The following DGKH variants were observed in gnomAD, a reference collection of about 807,000 sequenced individuals.
DGKH encodes the protein DAG kinase eta.
DGKH carries 90 observed loss-of-function variants against 159.3 expected under a neutral mutation model. The ratio of observed to expected loss-of-function variants is 0.57; its 90% CI spans 0.48 to 0.67. DGKH has a LOEUF of 0.67. Among genes scored for constraint, DGKH ranks in the 30% least tolerant of loss-of-function variants. The pLI, the probability that DGKH is intolerant of heterozygous loss-of-function variation, is 0.00. For missense variants in DGKH, 1,181 were observed against 1,506.1 expected, an observed-to-expected ratio of 0.78 and a Z score of 3.57; for synonymous variants, 536 against 553.8, an observed-to-expected ratio of 0.97 and a Z score of 0.45.
chr13:42,115,829 C>G (rs1396591899), intron 1 of DGKH, among the ~76,000 whole-genome samples: 2 of 151,942 alleles, frequency 1.3e-5, no homozygotes, highest in African/African-American at 4.8e-5. Flanking sequence ...ATAATTTTGT[C>G]CACAGTGGAA....
intron 1 of DGKH, among the ~76,000 whole-genome samples, chr13:42,114,128 T>C (rs1206566182): frequency 6.6e-6 from 1 of 152,138 alleles, no homozygotes; most frequent in Non-Finnish European, 1.5e-5. Flanking sequence ...CTTCCCCTAA[T>C]AACAATGAAA....
chr13:42,211,417 G>A (rs1002251844), intron 24 of DGKH, among the ~76,000 whole-genome samples: 4 of 152,186 alleles, frequency 2.6e-5, no homozygotes, highest in Non-Finnish European at 5.9e-5. Context: ...CAGGTTTCAG[G>A]CCAGGCACAG....
At chr13:42,188,981 C>T in intron 14 of DGKH, 55 bp from the exon 15 acceptor site, 1 of 1,566,542 alleles carries the variant, frequency 6.4e-7, no homozygotes, top group Non-Finnish European at 8.7e-7. Context: ...TGTACTTTGT[C>T]TGCTGATCTT....
chr13:42,069,857 G>T (rs1882839663), intron 1 of DGKH: 1 of 790,424 alleles, frequency 1.3e-6, no homozygotes, highest in Non-Finnish European at 2.1e-6. Flanking sequence ...TGGAAAGCAG[G>T]ATCCCCCAGA....
intron 11 of DGKH, among the ~76,000 whole-genome samples, chr13:42,171,235 G>A (rs1008215991): frequency 1.2e-4 from 18 of 152,258 alleles, no homozygotes; most frequent in African/African-American, 4.3e-4. Context: ...TGGTGAAAAG[G>A]TTTAGGAGGC....
At chr13:42,214,470 A>T in intron 24 of DGKH, 37 bp from the exon 25 acceptor site, 1 of 1,592,528 alleles carries the variant, frequency 6.3e-7, no homozygotes, top group Non-Finnish European at 8.5e-7. Flanking sequence ...AATACTCAAA[A>T]AAGTTTTTTA....
intron 16 of DGKH, among the ~76,000 whole-genome samples, chr13:42,193,996 G>A (rs1364939746): frequency 6.6e-6 from 1 of 152,088 alleles, no homozygotes; most frequent in Non-Finnish European, 1.5e-5. Context: ...GAATAATTAT[G>A]TTTTAGAATA....
At chr13:42,247,078 CTCA>C (rs2138335068), downstream of DGKH, among the ~76,000 whole-genome samples, 1 of 152,222 alleles carries the variant, frequency 6.6e-6, no homozygotes, top group East Asian at 1.9e-4. Context: ...ACACATTACT[CTCA>C]TGTTTGTGGT....
At chr13:42,090,145 A>G (rs1371769838) in intron 1 of DGKH, among the ~76,000 whole-genome samples, 2 of 152,210 alleles carry the variant, frequency 1.3e-5, no homozygotes, top group African/African-American at 4.8e-5. Flanking sequence ...TTGTGGAGCA[A>G]CAGTCCTGGC....
chr13:42,221,114 G>C lies in DGKH; in HGVS notation c.3443-150G>C, dbSNP rs1957959286. The C allele has an allele frequency of 3.0e-6, 3 of 1,005,058 alleles. No individual in the cohort carries two copies. The South Asian group carries it at 5.2e-5, about 18-fold the overall frequency. The allele number at this position is 1,005,058 out of a possible 1,614,324, so 62.3% of individuals were successfully genotyped here. On this transcript the variant is annotated intron_variant, in intron 28 of 29. Coordinates refer to ENST00000337343, the MANE Select transcript of DGKH (RefSeq NM_178009.5). ...TGTGTAACTTGCATGGGAAAAAGTGGAACTATGGTTTTGTTGAAACAACAC... is the reference window on the plus strand; with the variant it reads ...TGTGTAACTTGCATGGGAAAAAGTGCAACTATGGTTTTGTTGAAACAACAC...
intron 1 of DGKH, among the ~76,000 whole-genome samples, chr13:42,065,908 T>C (rs1434860392): frequency 6.6e-6 from 1 of 152,164 alleles, no homozygotes; most frequent in Admixed American, 6.5e-5. Context: ...AAATTATTAT[T>C]ATTTTTTGAG....
intron 1 of DGKH, among the ~76,000 whole-genome samples, chr13:42,115,993 G>A (rs1954961201): frequency 6.6e-6 from 1 of 152,164 alleles, no homozygotes; most frequent in Admixed American, 6.5e-5. Flanking sequence ...AATAAATAAT[G>A]CTTAGGATGA....
At position 42,221,316 on chromosome 13, in the gene DGKH, G is replaced by T. The variant is rs1240079593; in HGVS notation, c.3495G>T (p.Leu1165Phe). 5.0e-6 allele frequency: 8 copies of T among 1,613,726 alleles called. No individual in the cohort carries two copies. Among genetic ancestry groups the T allele is most frequent in the South Asian group, 4.4e-5 (4 of 91,062 alleles). Residue 1165 changes from leucine to phenylalanine, a missense_variant, in exon 29 of 30, where the codon TTG (leucine) becomes TTT (phenylalanine). Leu to Phe is a conservative substitution (Grantham distance 22). Coordinates refer to ENST00000337343, the MANE Select transcript of DGKH (RefSeq NM_178009.5). ...EVAAWLDLLNLGEYKDIFIRH... is the reference protein window; with the variant it reads ...EVAAWLDLLNFGEYKDIFIRH... Reference sequence around the variant, plus strand: ...CTGCTTGGCTGGATCTGCTCAATTTGGGAGAGTACAAAGATATCTTCATCC... The same window carrying T: ...CTGCTTGGCTGGATCTGCTCAATTTTGGAGAGTACAAAGATATCTTCATCC...
In DGKH at chr13:42,093,317, C is replaced by T. The variant is rs573009262; in HGVS notation, c.193-34146C>T. Among the ~76,000 whole-genome samples, 9 of 151,486 alleles carry T rather than the reference C, an allele frequency of 5.9e-5. No homozygotes were observed. The South Asian group carries it at 1.9e-3, about 32-fold the overall frequency. On this transcript the variant is annotated intron_variant, in intron 1 of 29. Transcript: ENST00000337343. ...CAATCAAAACTACGATGAGATACCA[C>T]CTTACACCCACTAGGATGGCTGCTC...
Position 42,234,101 on chromosome 13 carries a change from A to AAT in DGKH, c.*4916_*4917dup, listed in dbSNP as rs1320262475. The AAT allele has an allele frequency of 2.6e-5, 4 of 151,450 alleles. No homozygotes were observed. The highest frequency in any genetic ancestry group is 6.6e-5 in the Admixed American group (1 of 15,130). The allele number at this position is 151,450 out of a possible 1,614,324, so 9.4% of individuals were successfully genotyped here. ...TTCCTTAAAATAGTGCCTGAAGAAT[A>AAT]ATATTTCATATTCTTGACCCCCAAA... On this transcript the variant is annotated 3_prime_UTR_variant, in exon 30 of 30. Transcript: ENST00000337343.
At chr13:42,108,907 G>A (rs1372817201) in intron 1 of DGKH, among the ~76,000 whole-genome samples, 1 of 152,156 alleles carries the variant, frequency 6.6e-6, no homozygotes, top group Non-Finnish European at 1.5e-5. Flanking sequence ...AAGCGGTTTT[G>A]TCATAATGGA....
intron 1 of DGKH, chr13:42,068,904 A>G (rs1882772818): frequency 8.9e-7 from 1 of 1,119,276 alleles, no homozygotes; most frequent in African/African-American, 1.6e-5. Context: ...TTTCATAAGA[A>G]TACAAAGATA....
At chr13:42,254,189 A>G (rs943427511) in intron 30 of DGKH, among the ~76,000 whole-genome samples, 15 of 152,204 alleles carry the variant, frequency 9.9e-5, no homozygotes, top group Non-Finnish European at 8.8e-5. Flanking sequence ...AAATAGAGGA[A>G]TGTTCAAAAT....
At chr13:42,049,754 C>T (rs1014382155) in intron 1 of DGKH, among the ~76,000 whole-genome samples, 1 of 152,232 alleles carries the variant, frequency 6.6e-6, no homozygotes, top group Admixed American at 6.5e-5. Flanking sequence ...GTGTGTTACT[C>T]TTGTTAATGA....
Sources: gnomAD v4.1 joint callset for allele counts (sites outside exome capture counted in the v4.1 genomes callset) on GRCh38, gnomAD v4.1.1 for gene constraint, MANE v1.5 for transcripts, NCBI Gene and HGNC (gene_info 2026-07-23, HGNC 2026-07-21) for gene names.